The following STXBP5L variants were observed in gnomAD, a reference collection of about 807,000 sequenced individuals.
STXBP5L encodes syntaxin binding protein 5L, also known as syntaxin-binding protein 5-like.
A neutral mutation model predicts 144.5 loss-of-function variants in STXBP5L; 65 were observed. The observed-to-expected ratio is 0.45, with a 90% CI of 0.37 to 0.55. The LOEUF (loss-of-function observed/expected upper bound fraction) is 0.55, where lower values mean the gene tolerates loss of function less well. Among genes scored for constraint, STXBP5L ranks in the 20% least tolerant of loss-of-function variants. The probability of loss-of-function intolerance (pLI) is 0.00; values close to 1 mark genes in which losing one functional copy is unlikely to be tolerated. For synonymous variants in STXBP5L, 505 were observed against 469.6 expected (o/e 1.08, Z -0.97); for missense variants, 1,298 against 1,405.5 (o/e 0.92, Z 1.22).
At chr3:121,185,319 A>G (rs2047332377) in intron 9 of STXBP5L, among the ~76,000 whole-genome samples, 1 of 152,128 alleles carries the variant, frequency 6.6e-6, no homozygotes, top group South Asian at 2.1e-4. Flanking sequence ...CCATTTGTCA[A>G]TTTTGGCTTT....
At chr3:121,211,624 G>T (rs528103821) in intron 10 of STXBP5L, among the ~76,000 whole-genome samples, 10 of 141,676 alleles carry the variant, frequency 7.1e-5, no homozygotes, top group African/African-American at 1.1e-4. Context: ...CTGTCACCAG[G>T]CTGGAGTGCA....
Position 121,187,434 on chromosome 3 carries a change from G to A in STXBP5L, c.878-18489G>A, listed in dbSNP as rs536880004. On this transcript the variant is annotated intron_variant, in intron 9 of 26. Transcript: ENST00000471454. ...GGGGAGCGGGGAGGGGGGAGGGATA[G>A]CATTAGGAGATACACCTAATGTTAA... Among the ~76,000 whole-genome samples, 833 of 151,028 alleles carry A rather than the reference G, an allele frequency of 5.5e-3. 8 individuals are homozygous for A. The highest frequency in any genetic ancestry group is 8.9e-3 in the South Asian group (42 of 4,714).
chr3:120,976,587 C>G (rs1283676426), intron 3 of STXBP5L, among the ~76,000 whole-genome samples: 1 of 152,044 alleles, frequency 6.6e-6, no homozygotes, highest in Non-Finnish European at 1.5e-5. Context: ...CTTCTGCTAG[C>G]TTTTGAATGT....
intron 3 of STXBP5L, among the ~76,000 whole-genome samples, chr3:120,991,058 A>G (rs1942805857): frequency 6.6e-6 from 1 of 151,978 alleles, no homozygotes; most frequent in African/African-American, 2.4e-5. Flanking sequence ...ACAGAATGGG[A>G]GAAAATTTTT....
chr3:121,194,471 G>A (rs1039251144), intron 9 of STXBP5L, among the ~76,000 whole-genome samples: 2 of 57,742 alleles, frequency 3.5e-5, no homozygotes, highest in Non-Finnish European at 6.9e-5. Context: ...GGAGTTCCAG[G>A]CTGCAGTGAG....
chr3:121,140,104 A>G lies in STXBP5L; in HGVS notation c.670-12373A>G, dbSNP rs1316825738. 2.0e-5 allele frequency among the ~76,000 whole-genome samples: 3 copies of G among 151,780 alleles called. No homozygotes were observed. In the East Asian group the frequency reaches 5.8e-4, roughly 29 times the overall value. Reference sequence around the variant, plus strand: ...GTAATTCCTCAAACTATGAATGACAAGAGACATTTTTCAAAAGAAGACATA... The same window carrying G: ...GTAATTCCTCAAACTATGAATGACAGGAGACATTTTTCAAAAGAAGACATA... On this transcript the variant is annotated intron_variant, in intron 7 of 26. Coordinates refer to ENST00000471454, the MANE Select transcript of STXBP5L (RefSeq NM_001308330.2).
At chr3:121,323,554 T>A (rs2044046992) in intron 20 of STXBP5L, among the ~76,000 whole-genome samples, 1 of 152,172 alleles carries the variant, frequency 6.6e-6, no homozygotes, top group African/African-American at 2.4e-5. Context: ...ATGTTCTCAG[T>A]TTCCAAGATA....
At chr3:121,318,322 A>G (rs551564535) in intron 19 of STXBP5L, among the ~76,000 whole-genome samples, 153 bp from the exon 20 acceptor site, 187 of 152,066 alleles carry the variant, frequency 1.2e-3, no homozygotes, top group Middle Eastern at 3.4e-3. Flanking sequence ...TAATAAAAAT[A>G]TTTTTAAAAT....
intron 18 of STXBP5L, among the ~76,000 whole-genome samples, chr3:121,274,260 C>G (rs1028379891): frequency 6.6e-6 from 1 of 152,162 alleles, no homozygotes; most frequent in Non-Finnish European, 1.5e-5. Context: ...TACAAGGGCA[C>G]CAGCTGGATG....
At chr3:121,155,884 A>G (rs2046095347) in intron 8 of STXBP5L, among the ~76,000 whole-genome samples, 1 of 151,920 alleles carries the variant, frequency 6.6e-6, no homozygotes, top group African/African-American at 2.4e-5. Context: ...CAGTGAAATA[A>G]GAAAGTTTAG....
At chr3:121,081,292 T>C (rs962979311) in intron 5 of STXBP5L, among the ~76,000 whole-genome samples, 1 of 152,214 alleles carries the variant, frequency 6.6e-6, no homozygotes, top group African/African-American at 2.4e-5. Context: ...GTTTTTTACC[T>C]TCCTCTGGTA....
chr3:121,257,467 T>C (rs1577318964), intron 17 of STXBP5L, 134 bp downstream of exon 17: 2 of 722,418 alleles, frequency 2.8e-6, no homozygotes, highest in East Asian at 5.5e-5. Context: ...GGGGTTACTC[T>C]GGTCTTTTCT....
rs893642843 is a variant in STXBP5L at position 121,315,150 on chromosome 3, A to T, written c.2111-3325A>T. Among the ~76,000 whole-genome samples, 343 of 152,248 alleles carry T rather than the reference A, an allele frequency of 2.3e-3. 2 individuals carry two copies. The highest frequency in any genetic ancestry group is 3.5e-3 in the Non-Finnish European group (237 of 68,018). On this transcript the variant is annotated intron_variant, in intron 19 of 26. Coordinates refer to ENST00000471454, the MANE Select transcript of STXBP5L (RefSeq NM_001308330.2). ...CCATTACTGGGTATATACCCAAAGG[A>T]TTATAAATCATGCTGCTATAAAGAC...
At chr3:121,191,913 A>T (rs1307655839) in intron 9 of STXBP5L, among the ~76,000 whole-genome samples, 1 of 93,782 alleles carries the variant, frequency 1.1e-5, no homozygotes, top group Non-Finnish European at 2.0e-5. Context: ...ACTGGGACAC[A>T]GGGTGGGGAA....
chr3:121,161,786 A>T (rs890985654), intron 9 of STXBP5L, among the ~76,000 whole-genome samples: 3 of 152,194 alleles, frequency 2.0e-5, no homozygotes, highest in African/African-American at 7.2e-5. Flanking sequence ...ATATCTATAT[A>T]TATGACATTA....
intron 3 of STXBP5L, among the ~76,000 whole-genome samples, chr3:121,007,370 A>T (rs1944412708): frequency 6.6e-6 from 1 of 152,032 alleles, no homozygotes; most frequent in East Asian, 1.9e-4. Flanking sequence ...TGGCTGGTGT[A>T]GTTATTAATA....
intron 10 of STXBP5L, among the ~76,000 whole-genome samples, chr3:121,222,106 A>C (rs2048991386): frequency 6.6e-6 from 1 of 152,214 alleles, no homozygotes; most frequent in South Asian, 2.1e-4. Flanking sequence ...GTCTTTAAAA[A>C]AATTAGAAAA....
At chr3:121,031,706 G>C (rs750439711) in intron 3 of STXBP5L, among the ~76,000 whole-genome samples, 9 of 152,012 alleles carry the variant, frequency 5.9e-5, no homozygotes, top group Admixed American at 2.0e-4. Context: ...ACTGGTATTT[G>C]GTCAAAAACT....
At chr3:120,981,370 C>T (rs1156328481) in intron 3 of STXBP5L, among the ~76,000 whole-genome samples, 2 of 152,096 alleles carry the variant, frequency 1.3e-5, no homozygotes, top group Non-Finnish European at 2.9e-5. Context: ...CCATGTTTCT[C>T]AAAGGCTCTG....
Sources: gnomAD v4.1 joint callset for allele counts (sites outside exome capture counted in the v4.1 genomes callset) on GRCh38, gnomAD v4.1.1 for gene constraint, MANE v1.5 for transcripts, NCBI Gene and HGNC (gene_info 2026-07-23, HGNC 2026-07-21) for gene names.